The following KRT16 variants were observed in gnomAD, a reference collection of about 807,000 sequenced individuals.
KRT16 encodes keratin, type I cytoskeletal 16.
In KRT16, 42 loss-of-function variants were observed where a neutral mutation model predicts 44.8. That is an observed-to-expected ratio of 0.94 (90% CI 0.73 to 1.21). KRT16 has a LOEUF of 1.21. KRT16 is among the 50% of genes most tolerant of loss of function. The pLI is 0.00. For missense variants in KRT16, 561 were observed against 626.9 expected (o/e 0.89, Z 1.12); for synonymous variants, 226 against 260.4 (o/e 0.87, Z 1.27).
At position 41,610,178 on chromosome 17, in the gene KRT16, C is replaced by T. The variant is rs533232973; in HGVS notation, c.1327+12G>A. ...GAGGGGCTGCAGTGCCGGGGAGCCT[C>T]AGAAGCCTTACCCTCGCGGGAAGAA... is the stretch of plus-strand genomic sequence containing the variant. On this transcript the variant is annotated intron_variant, in intron 7 of 7. Coordinates refer to ENST00000301653, the MANE Select transcript of KRT16 (RefSeq NM_005557.4). The T allele has an allele frequency of 6.2e-7, 1 of 1,613,904 alleles. No homozygotes were observed. The highest frequency in any genetic ancestry group is 1.3e-5 in the African/African-American group (1 of 75,042).
At chr17:41,611,971 A>T (rs912250568) in intron 1 of KRT16, 187 bp downstream of exon 1, 2 of 841,530 alleles carry the variant, frequency 2.4e-6, no homozygotes, top group African/African-American at 3.4e-5. Context: ...ATTTAGGGTA[A>T]CAGCCCCAGT....
chr17:41,612,235 A>G lies in KRT16; in HGVS notation c.454T>C (p.Trp152Arg), dbSNP rs1908225271. 1 of 1,613,500 alleles carries G rather than the reference A, an allele frequency of 6.2e-7. No homozygotes were observed. Among genetic ancestry groups the G allele is most frequent in the Non-Finnish European group, 8.5e-7 (1 of 1,180,016 alleles). Residue 152 changes from tryptophan to arginine, a missense_variant, in exon 1 of 8, where the codon TGG becomes CGG. Transcript: ENST00000301653. ...NADLEVKIRD[W>R]YQRQRPSEIK... is the part of the protein sequence containing the mutation. ...TCACTGGGCCGCTGCCTCTGGTACC[A>G]GTCACGGATCTTCACTTCCAGGTCG...
chr17:41,610,513 G>A lies in KRT16; in HGVS notation c.1098C>T (p.Gly366=), dbSNP rs1908152760. The change falls in exon 6 of 8, where the codon GGC becomes GGT. Residue 366 remains glycine, a synonymous_variant. Transcript: ENST00000301653. Reference sequence around the variant, plus strand: ...TCTGGGACAGCTGCATGCAGTAGCGGCCTTTGGTCTCCTCCAGGCTGTTCT... The same window carrying A: ...TCTGGGACAGCTGCATGCAGTAGCGACCTTTGGTCTCCTCCAGGCTGTTCT... ...SLENSLEETK[G]RYCMQLSQIQ... The A allele has an allele frequency of 2.5e-6, 4 of 1,611,984 alleles. No individual in the cohort carries two copies. Among genetic ancestry groups the A allele is most frequent in the South Asian group, 1.1e-5 (1 of 90,994 alleles).
chr17:41,611,248 G>A lies in KRT16; in HGVS notation c.772-18C>T. On this transcript the variant is annotated intron_variant, in intron 3 of 7. Transcript: ENST00000301653. The stretch of plus-strand genomic sequence containing the variant: ...AGCATCTCCTGGGAAGGGATGGCAG[G>A]AGGCGGTCAGTTCAGCAGACTTCTC... 1.9e-6 allele frequency: 3 copies of A among 1,613,966 alleles called. No homozygotes were observed. Among genetic ancestry groups the A allele is most frequent in the Non-Finnish European group, 2.5e-6 (3 of 1,179,858 alleles).
rs1567745379 is a variant in KRT16, at chr17:41,612,162, T to A, written c.527A>T (p.Asn176Ile). The A allele has an allele frequency of 1.2e-6, 2 of 1,612,166 alleles. No homozygotes were observed. The highest frequency in any genetic ancestry group is 1.7e-6 in the Non-Finnish European group (2 of 1,179,884). Residue 176 changes from asparagine (N) to isoleucine (I), a missense_variant, in exon 1 of 8, where the codon AAC becomes ATC. Physicochemically the swap from Asn to Ile is moderately radical, Grantham distance 149. Transcript: ENST00000301653. The stretch of plus-strand genomic sequence containing the variant: ...CCATACACCAAAGTCACCCACCTTG[T>A]TCCTCAGGTCCTCGATGGTCTTGAA... Reference protein sequence around the residue: ...PYFKTIEDLRNKIIAATIENA... With the variant: ...PYFKTIEDLRIKIIAATIENA...
Position 41,610,976 on chromosome 17 carries a change from C to A in KRT16, c.937G>T (p.Glu313Ter). 3.7e-6 allele frequency: 6 copies of A among 1,614,096 alleles called. No homozygotes were observed. Among genetic ancestry groups the A allele is most frequent in the South Asian group, 1.1e-5 (1 of 91,080 alleles). Residue 313 changes from glutamate to a stop codon, truncating the protein, a stop_gained, in exon 5 of 8, where the codon GAG becomes TAG. Coordinates refer to ENST00000301653, the MANE Select transcript of KRT16 (RefSeq NM_005557.4). LOFTEE classifies it high-confidence loss of function. ...DAETWFLSKT[E>*]ELNKEVASNS... ...GAGGCCACTTCTTTGTTCAGCTCCT[C>A]GGTCTGAGGCAGGAAAGCAGAGTGA...
At position 41,609,829 on chromosome 17, in the gene KRT16, A is replaced by T. The variant is rs566571237; in HGVS notation, c.*106T>A. The stretch of plus-strand genomic sequence containing the variant: ...ATTAGCCCACCACCAGCAGAGGAGC[A>T]GGGGAGATAGCTGGGAACTGCGCCA... On this transcript the variant is annotated 3_prime_UTR_variant, in exon 8 of 8. Transcript: ENST00000301653. 3 of 865,652 alleles carry T rather than the reference A, an allele frequency of 3.5e-6. No individual in the cohort carries two copies. The highest frequency in any genetic ancestry group is 2.8e-5 in the South Asian group (2 of 71,006). 53.6% of individuals were successfully genotyped at this position (865,652 alleles called of 1,614,324 possible). A position where few individuals can be genotyped will look rare whatever the true frequency, so the allele number is the denominator to read the frequency against.
At chr17:41,611,907 G>A in intron 1 of KRT16, 186 bp from the exon 2 acceptor site, 1 of 781,296 alleles carries the variant, frequency 1.3e-6, no homozygotes. Flanking sequence ...CCCCCTTCCT[G>A]GGCCCAAGGC....
intron 3 of KRT16, 41 bp from the exon 4 acceptor site, chr17:41,611,271 C>T: frequency 1.9e-6 from 3 of 1,613,968 alleles, no homozygotes; most frequent in Non-Finnish European, 2.5e-6. Flanking sequence ...CAGCAGACTT[C>T]TCTCCTGGCC....
Position 41,610,467 on chromosome 17 carries a change from C to T in KRT16, c.1144G>A (p.Val382Met). 1.2e-6 allele frequency: 2 copies of T among 1,612,240 alleles called. No individual in the cohort carries two copies. Among genetic ancestry groups the T allele is most frequent in the Non-Finnish European group, 1.7e-6 (2 of 1,179,876 alleles). Residue 382 changes from valine to methionine, a missense_variant, in exon 6 of 8, where the codon GTG becomes ATG. Coordinates refer to ENST00000301653, the MANE Select transcript of KRT16 (RefSeq NM_005557.4). ...LSQIQGLIGS[V>M]EEQLAQLRCE... is the part of the protein sequence containing the mutation. The stretch of plus-strand genomic sequence containing the variant: ...CGTAGCTGGGCCAGCTGCTCCTCCA[C>T]ACTGCCAATCAGTCCCTGGATCTGG...
rs1908237957 is a variant in KRT16 at position 41,612,453 on chromosome 17, C to T, written c.236G>A (p.Gly79Asp). 6 of 1,613,338 alleles carry T rather than the reference C, an allele frequency of 3.7e-6. No homozygotes were observed. Among genetic ancestry groups the T allele is most frequent in the South Asian group, 1.1e-5 (1 of 91,056 alleles). The change falls in exon 1 of 8, where the codon GGT becomes GAT. Residue 79 changes from glycine to aspartate, a missense_variant. Physicochemically the swap from Gly to Asp is moderately conservative, Grantham distance 94 (BLOSUM62 -1). Transcript: ENST00000301653. The part of the protein sequence containing the change: ...GGGFSSSSSF[G>D]SGFGGGYGGG... ...ACCATATCCTCCCCCGAAGCCACTACCAAAGCTGCTGCTGCTGCTGAAGCC... is the reference window on the plus strand; with the variant it reads ...ACCATATCCTCCCCCGAAGCCACTATCAAAGCTGCTGCTGCTGCTGAAGCC...
rs142750223 is a variant in KRT16, at chr17:41,611,714, G to A, written c.539C>T (p.Ala180Val). 1.5e-3 allele frequency: 2,489 copies of A among 1,609,484 alleles called. 19 individuals carry two copies. The highest frequency in any genetic ancestry group is 8.7e-3 in the South Asian group (789 of 90,334). ...TIEDLRNKIIAATIENAQPIL... is the reference protein window; with the variant it reads ...TIEDLRNKIIVATIENAQPIL... ...GGGCTGCGCATTCTCAATGGTGGCC[G>A]CAATGATCTGGAGTGGGGATGGAGG... Residue 180 changes from alanine (A) to valine (V), a missense_variant, in exon 2 of 8, where the codon GCG (alanine) becomes GTG (valine). Ala to Val is a moderately conservative substitution (Grantham distance 64). Transcript: ENST00000301653.
At position 41,610,527 on chromosome 17, in the gene KRT16, C is replaced by T. The variant is rs1488109016; in HGVS notation, c.1084G>A (p.Glu362Lys). Residue 362 changes from glutamate to lysine, a missense_variant, in exon 6 of 8, where the codon GAG becomes AAG. By Grantham distance (56) the Glu-to-Lys change is moderately conservative (BLOSUM62 1). Coordinates refer to ENST00000301653, the MANE Select transcript of KRT16 (RefSeq NM_005557.4). Reference protein sequence around the residue: ...SMKASLENSLEETKGRYCMQL... With the variant: ...SMKASLENSLKETKGRYCMQL... ...ATGCAGTAGCGGCCTTTGGTCTCCTCCAGGCTGTTCTCCAGGGATGCTTTC... is the reference window on the plus strand; with the variant it reads ...ATGCAGTAGCGGCCTTTGGTCTCCTTCAGGCTGTTCTCCAGGGATGCTTTC... The T allele has an allele frequency of 6.2e-7, 1 of 1,611,946 alleles. No homozygotes were observed. The highest frequency in any genetic ancestry group is 1.3e-5 in the African/African-American group (1 of 74,850).
At position 41,611,239 on chromosome 17, in the gene KRT16, G is replaced by A; in HGVS notation, c.772-9C>T. Reference sequence around the variant, plus strand: ...CTCAGAGCAAGCATCTCCTGGGAAGGGATGGCAGGAGGCGGTCAGTTCAGC... The same window carrying A: ...CTCAGAGCAAGCATCTCCTGGGAAGAGATGGCAGGAGGCGGTCAGTTCAGC... On this transcript the variant is annotated splice_polypyrimidine_tract_variant and intron_variant, in intron 3 of 7. Transcript: ENST00000301653. 1 of 1,613,978 alleles carries A rather than the reference G, an allele frequency of 6.2e-7. No individual in the cohort carries two copies.
chr17:41,611,354 G>T lies in KRT16; in HGVS notation c.762C>A (p.Asn254Lys). The change falls in exon 3 of 8, where the codon AAC becomes AAA. Residue 254 changes from asparagine (N) to lysine (K), a missense_variant. Asn to Lys is a moderately conservative substitution (Grantham distance 94). Transcript: ENST00000301653. ...CCAGCAGCGACCGTACCTCCTCGTG[G>T]TTCTTCCTCAGGTAGGCCAGCTCCT... The part of the protein sequence containing the change: ...LKEELAYLRK[N>K]HEEEMLALRG... 9 of 1,614,140 alleles carry T rather than the reference G, an allele frequency of 5.6e-6. No homozygotes were observed. Among genetic ancestry groups the T allele is most frequent in the Non-Finnish European group, 7.6e-6 (9 of 1,180,000 alleles).
rs765123824 is a variant in KRT16, at chr17:41,612,442, C to T, written c.247G>A (p.Gly83Arg). The change falls in exon 1 of 8, where the codon GGG (glycine) becomes AGG (arginine). Residue 83 changes from glycine (G) to arginine (R), a missense_variant. Coordinates refer to ENST00000301653, the MANE Select transcript of KRT16 (RefSeq NM_005557.4). ...SSSSSFGSGF[G>R]GGYGGGLGAG... is the part of the protein sequence containing the mutation. ...CCAAGGCCACCACCATATCCTCCCC[C>T]GAAGCCACTACCAAAGCTGCTGCTG... The T allele has an allele frequency of 1.6e-5, 26 of 1,613,598 alleles. No individual in the cohort carries two copies. The highest frequency in any genetic ancestry group is 2.2e-5 in the South Asian group (2 of 91,072).
intron 6 of KRT16, 44 bp from the exon 7 acceptor site, chr17:41,610,280 G>C (rs1358671386): frequency 6.2e-7 from 1 of 1,613,480 alleles, no homozygotes; most frequent in African/African-American, 1.3e-5. Flanking sequence ...GCTGAGAGCA[G>C]CAGGGGGGCT....
In KRT16 at chr17:41,612,142, C is replaced by A. The variant is rs763845040; in HGVS notation, c.531+16G>T. 1.9e-6 allele frequency: 3 copies of A among 1,612,048 alleles called. No individual in the cohort carries two copies. The South Asian group carries it at 3.3e-5, about 18-fold the overall frequency. Reference sequence around the variant, plus strand: ...CCCCAGCCTCTCTCAGTGCTCCATACACCAAAGTCACCCACCTTGTTCCTC... The same window carrying A: ...CCCCAGCCTCTCTCAGTGCTCCATAAACCAAAGTCACCCACCTTGTTCCTC... On this transcript the variant is annotated intron_variant, in intron 1 of 7. Coordinates refer to ENST00000301653, the MANE Select transcript of KRT16 (RefSeq NM_005557.4).
In KRT16 at chr17:41,610,000, G is replaced by T. The variant is rs150387381; in HGVS notation, c.1357C>A (p.Arg453Ser). 75 of 1,611,716 alleles carry T rather than the reference G, an allele frequency of 4.7e-5. No individual in the cohort carries two copies. In the African/African-American group the frequency reaches 8.4e-4, roughly 18 times the overall value. The change falls in exon 8 of 8, where the codon CGT becomes AGT. Residue 453 changes from arginine to serine, a missense_variant. Transcript: ENST00000301653. ...VFTSSSSSSS[R>S]QTRPILKEQS... ...TCCTTGAGGATGGGCCGGGTCTGAC[G>T]GCTCGAAGAGGACGAGGAGGAGGTG...
Sources: allele counts gnomAD v4.1 joint callset, GRCh38; gene constraint gnomAD v4.1.1; transcripts MANE v1.5; gene names NCBI Gene and HGNC (gene_info 2026-07-23, HGNC 2026-07-21).